Variants in EPHA6 observed in about 807,000 individuals in gnomAD.
EPHA6 encodes EPH receptor A6, also known as ephrin type-A receptor 6.
EPHA6 carries 50 observed loss-of-function variants against 112.0 expected under a neutral mutation model. The ratio of observed to expected loss-of-function variants is 0.45; its 90% CI spans 0.36 to 0.56. The LOEUF (loss-of-function observed/expected upper bound fraction) is 0.56, where lower values mean the gene tolerates loss of function less well. EPHA6 is among the 20% of genes least tolerant of loss of function. EPHA6 has a pLI of 0.00. For synonymous variants in EPHA6, 529 were observed against 490.7 expected, an observed-to-expected ratio of 1.08 and a Z score of -1.03; for missense variants, 1,280 against 1,417.4, an observed-to-expected ratio of 0.90 and a Z score of 1.56.
intron 4 of EPHA6, among the ~76,000 whole-genome samples, chr3:97,240,207 G>T (rs931269913): frequency 4.0e-5 from 6 of 151,790 alleles, no homozygotes; most frequent in African/African-American, 1.5e-4. Context: ...CAGTGAACAT[G>T]ATATTCACTG....
At chr3:97,109,978 A>G (rs910269138) in intron 3 of EPHA6, among the ~76,000 whole-genome samples, 2 of 152,136 alleles carry the variant, frequency 1.3e-5, no homozygotes, top group African/African-American at 4.8e-5. Context: ...TTTTCTATTG[A>G]TTTAATGAAA....
At chr3:97,353,915 C>T (rs1434265875) in intron 5 of EPHA6, among the ~76,000 whole-genome samples, 1 of 152,180 alleles carries the variant, frequency 6.6e-6, no homozygotes, top group African/African-American at 2.4e-5. Flanking sequence ...CAGATCCAGG[C>T]AGTTCAGCTC....
intron 7 of EPHA6, among the ~76,000 whole-genome samples, chr3:97,458,014 G>GCCGAGATC (rs1379201866): frequency 7.1e-4 from 91 of 128,854 alleles, no homozygotes; most frequent in African/African-American, 2.5e-3. Context: ...CTTGCAGTGA[G>GCCGAGATC]CCGAGATCGC....
intron 3 of EPHA6, among the ~76,000 whole-genome samples, chr3:97,105,467 A>G (rs1176995469): frequency 1.3e-5 from 2 of 152,064 alleles, no homozygotes; most frequent in Non-Finnish European, 2.9e-5. Context: ...GGTTTTGAGC[A>G]ATTGTTTAAG....
chr3:97,114,407 T>C (rs549018814), intron 3 of EPHA6, among the ~76,000 whole-genome samples: 149 of 152,184 alleles, frequency 9.8e-4, no homozygotes, highest in African/African-American at 3.4e-3. Context: ...GGTTAAGTTA[T>C]ACATTAGCAT....
At chr3:96,824,646 C>T (rs1461821179) in intron 1 of EPHA6, among the ~76,000 whole-genome samples, 1 of 151,982 alleles carries the variant, frequency 6.6e-6, no homozygotes. Flanking sequence ...TAGCTAATGA[C>T]ATCAGTAAAT....
intron 11 of EPHA6, chr3:97,590,414 T>C (rs2093532167): frequency 6.6e-6 from 1 of 152,220 alleles, no homozygotes; most frequent in Non-Finnish European, 1.5e-5. Flanking sequence ...ATAATATTTG[T>C]ATTAGTTTCT....
chr3:96,984,609 G>A (rs2042946746), intron 2 of EPHA6, among the ~76,000 whole-genome samples: 1 of 152,174 alleles, frequency 6.6e-6, no homozygotes, highest in South Asian at 2.1e-4. Flanking sequence ...AGTCTGCAGA[G>A]GTTTCTGCTG....
intron 11 of EPHA6, among the ~76,000 whole-genome samples, chr3:97,557,710 C>T (rs1336132661): frequency 6.6e-6 from 1 of 151,822 alleles, no homozygotes; most frequent in Non-Finnish European, 1.5e-5. Flanking sequence ...TCAGAGTGTG[C>T]ATGCTAGATA....
chr3:97,407,032 A>G (rs1033495271), intron 6 of EPHA6, among the ~76,000 whole-genome samples: 8 of 152,178 alleles, frequency 5.3e-5, no homozygotes, highest in Non-Finnish European at 1.2e-4. Flanking sequence ...TATTTTACAC[A>G]TAGAAAAATC....
At chr3:96,982,772 CTCT>C (rs2042851187) in intron 2 of EPHA6, among the ~76,000 whole-genome samples, 2 of 152,164 alleles carry the variant, frequency 1.3e-5, no homozygotes, top group Non-Finnish European at 1.5e-5. Context: ...AGACAGTTAG[CTCT>C]TCTTGTTGAA....
chr3:97,731,409 G>A (rs1044882326), intron 15 of EPHA6, among the ~76,000 whole-genome samples: 2 of 152,014 alleles, frequency 1.3e-5, no homozygotes, highest in Non-Finnish European at 2.9e-5. Context: ...TGCAGACATG[G>A]AGGCCATAAG....
intron 13 of EPHA6, among the ~76,000 whole-genome samples, chr3:97,626,599 T>G (rs1343755527): frequency 6.6e-6 from 1 of 151,766 alleles, no homozygotes; most frequent in African/African-American, 2.4e-5. Context: ...GTATATGGGC[T>G]AGAAGTCTTT....
Position 97,736,166 on chromosome 3 carries a change from C to T in EPHA6, c.3128+48C>T, listed in dbSNP as rs773108055. 5.6e-5 allele frequency: 84 copies of T among 1,500,746 alleles called. No individual in the cohort carries two copies. The South Asian group carries it at 9.8e-4, about 18-fold the overall frequency. The allele number at this position is 1,500,746 out of a possible 1,614,324, so 93.0% of individuals were successfully genotyped here. On this transcript the variant is annotated intron_variant, in intron 16 of 17. Transcript: ENST00000389672. ...TTTTTCTTCTTGACAATTATGGTTT[C>T]TTTCAGGCTATAGATAATAATAACA...
intron 11 of EPHA6, among the ~76,000 whole-genome samples, chr3:97,571,893 G>A (rs2093336295): frequency 6.6e-6 from 1 of 152,158 alleles, no homozygotes; most frequent in Non-Finnish European, 1.5e-5. Flanking sequence ...GAAACTTGCT[G>A]GCAAAGAACC....
intron 2 of EPHA6, among the ~76,000 whole-genome samples, chr3:96,982,265 T>C (rs1324194711): frequency 1.3e-5 from 2 of 152,122 alleles, no homozygotes; most frequent in African/African-American, 2.4e-5. Context: ...TCTTTGTTCT[T>C]GTTGGTTTCA....
chr3:97,678,036 G>A (rs568115981), intron 14 of EPHA6, among the ~76,000 whole-genome samples: 65 of 152,244 alleles, frequency 4.3e-4, no homozygotes, highest in African/African-American at 1.2e-3. Flanking sequence ...CCTGGAGGGA[G>A]GAACTGTATT....
At chr3:97,489,435 C>A (rs184740142) in intron 10 of EPHA6, among the ~76,000 whole-genome samples, 2 of 152,224 alleles carry the variant, frequency 1.3e-5, no homozygotes, top group Admixed American at 6.5e-5. Context: ...CCTGTAATCC[C>A]AGCATGTTGG....
chr3:96,931,077 T>G (rs1382681060), intron 2 of EPHA6, among the ~76,000 whole-genome samples: 2 of 149,208 alleles, frequency 1.3e-5, no homozygotes, highest in Admixed American at 1.3e-4. Flanking sequence ...GGGGATCCCT[T>G]CAGCCCTGAT....
Sources: gnomAD v4.1 joint callset for allele counts (sites outside exome capture counted in the v4.1 genomes callset) on GRCh38, gnomAD v4.1.1 for gene constraint, MANE v1.5 for transcripts, NCBI Gene and HGNC (gene_info 2026-07-23, HGNC 2026-07-21) for gene names.